The following NLGN4Y variants were observed in gnomAD, a reference collection of about 807,000 sequenced individuals.
NLGN4Y encodes the protein neuroligin 4 Y-linked, also known as neuroligin-4, Y-linked.
NLGN4Y carries 4 observed loss-of-function variants against 8.4 expected under a neutral mutation model. That is an observed-to-expected ratio of 0.48 (90% confidence interval 0.23 to 1.09). The LOEUF (loss-of-function observed/expected upper bound fraction) is 1.09, where lower values mean the gene tolerates loss of function less well. Ranked by LOEUF, NLGN4Y falls within the 50% of genes least tolerant of loss-of-function variation. The probability of loss-of-function intolerance (pLI) is 0.19; values close to 1 mark genes in which losing one functional copy is unlikely to be tolerated. For missense variants in NLGN4Y, 90 were observed against 192.3 expected (o/e 0.47, Z 3.15); for synonymous variants, 35 against 75.6 (o/e 0.46, Z 2.78).
At chrY:14,689,232 A>G (rs2080801562) in intron 2 of NLGN4Y, among the ~76,000 whole-genome samples, 3 of 31,852 alleles carry the variant, frequency 9.4e-5, no homozygotes, top group Non-Finnish European at 2.3e-4. Flanking sequence ...AAAAATGTGC[A>G]TAACCGCATT....
chrY:14,585,860 C>CT (rs2080338689), intron 1 of NLGN4Y, among the ~76,000 whole-genome samples: 2 of 32,791 alleles, frequency 6.1e-5, no homozygotes, highest in Non-Finnish European at 7.5e-5. Flanking sequence ...TTAAAAGAAG[C>CT]TTTTTTTTAT....
At chrY:14,697,398 T>C (rs2080833074) in intron 2 of NLGN4Y, among the ~76,000 whole-genome samples, 1 of 31,463 alleles carries the variant, frequency 3.2e-5, no homozygotes, top group African/African-American at 1.3e-4. Context: ...GATACATAGA[T>C]AAATGATAGC....
intron 2 of NLGN4Y, among the ~76,000 whole-genome samples, chrY:14,671,891 T>C: frequency 3.4e-5 from 1 of 29,638 alleles, no homozygotes; most frequent in East Asian, 2.6e-3. Flanking sequence ...AAACACTTTG[T>C]TGTGTGGAAA....
chrY:14,801,658 T>A lies in NLGN4Y; in HGVS notation c.686-22530T>A. On this transcript the variant is annotated intron_variant, in intron 4 of 6. Transcript: ENST00000684976. ...TCTGATTATTGATTAAGAGTAGTTA[T>A]GAAGTTGGAGATAAAAGGAGAAGAT... 3.2e-4 allele frequency among the ~76,000 whole-genome samples: 10 copies of A among 31,259 alleles called. No individual in the cohort carries two copies. In the East Asian group the frequency reaches 8.1e-3, roughly 25 times the overall value. The allele number at this position is 31,259 out of a possible 37,273, so 83.9% of individuals were successfully genotyped here. A position where few individuals can be genotyped will look rare whatever the true frequency, so the allele number is the denominator to read the frequency against.
chrY:14,709,961 TTA>T (rs2080894697), intron 2 of NLGN4Y, among the ~76,000 whole-genome samples: 1 of 33,846 alleles, frequency 3.0e-5, no homozygotes, highest in Non-Finnish European at 7.3e-5. Context: ...TAAAATGTCT[TTA>T]TGTTTTTGGA....
At chrY:14,736,577 C>G in intron 4 of NLGN4Y, among the ~76,000 whole-genome samples, 2 of 32,519 alleles carry the variant, frequency 6.2e-5, no homozygotes, top group Non-Finnish European at 1.5e-4. Flanking sequence ...GCATCCAAAT[C>G]TCATCTTGAA....
At chrY:14,640,269 A>G in intron 2 of NLGN4Y, 1 of 127,706 alleles carries the variant, frequency 7.8e-6, no homozygotes, top group South Asian at 3.9e-5. Flanking sequence ...GTGTGATGTG[A>G]AGCCTGTGGA....
chrY:14,643,852 G>T (rs2080600458), intron 2 of NLGN4Y, among the ~76,000 whole-genome samples: 1 of 33,874 alleles, frequency 3.0e-5, no homozygotes, highest in Non-Finnish European at 7.3e-5. Context: ...GCAATTGGCT[G>T]ACAAAAGAGC....
At chrY:14,582,178 A>G (rs2080321537) in intron 1 of NLGN4Y, among the ~76,000 whole-genome samples, 1 of 33,188 alleles carries the variant, frequency 3.0e-5, no homozygotes, top group Non-Finnish European at 7.4e-5. Flanking sequence ...CCTCCCTCTG[A>G]CCTGGATTAG....
chrY:14,563,298 A>T (rs981827216), intron 1 of NLGN4Y, among the ~76,000 whole-genome samples: 47 of 33,516 alleles, frequency 1.4e-3, no homozygotes, highest in Admixed American at 8.2e-4. Context: ...TATTGAGATA[A>T]TCTCATGGTT....
Position 14,631,928 on chromosome Y carries a change from C to A in NLGN4Y, c.472+9337C>A, listed in dbSNP as rs754814545. On this transcript the variant is annotated intron_variant, in intron 2 of 6. Transcript: ENST00000684976. Reference sequence around the variant, plus strand: ...TTGGAATGCCAGTTTATCCCCTTAGCAGATCATTATGGGCAAGTGACTCAG... The same window carrying A: ...TTGGAATGCCAGTTTATCCCCTTAGAAGATCATTATGGGCAAGTGACTCAG... Among the ~76,000 whole-genome samples the A allele has an allele frequency of 1.5e-4, 5 of 33,663 alleles. No individual in the cohort carries two copies. The South Asian group carries it at 2.7e-3, about 18-fold the overall frequency. 90.3% of individuals were successfully genotyped at this position (33,663 alleles called of 37,273 possible). A position where few individuals can be genotyped will look rare whatever the true frequency, so the allele number is the denominator to read the frequency against.
chrY:14,783,205 C>A (rs2042948646), intron 4 of NLGN4Y, among the ~76,000 whole-genome samples: 1 of 33,159 alleles, frequency 3.0e-5, no homozygotes, highest in African/African-American at 1.2e-4. Context: ...ATAATAGATT[C>A]TTTTAAAATT....
chrY:14,789,645 C>T, intron 4 of NLGN4Y, among the ~76,000 whole-genome samples: 1 of 33,641 alleles, frequency 3.0e-5, no homozygotes, highest in African/African-American at 1.2e-4. Flanking sequence ...ATCTCAGACT[C>T]CCAAAGTGAG....
intron 2 of NLGN4Y, among the ~76,000 whole-genome samples, chrY:14,661,860 G>A (rs2080675764): frequency 3.0e-5 from 1 of 33,586 alleles, no homozygotes. Context: ...AATAAGCCAT[G>A]TGGCCAAGAG....
At position 14,841,131 on chromosome Y, in the gene NLGN4Y, A is replaced by G. The variant is rs1230727807; in HGVS notation, c.2380A>G (p.Met794Val). Residue 794 changes from methionine (M) to valine (V), a missense_variant, in exon 7 of 7, where the codon ATG (methionine) becomes GTG (valine). Met to Val is a conservative substitution (Grantham distance 21). This residue lies in a region of NLGN4Y where 37 missense variants were observed against 94.0 expected (regional missense o/e 0.39). Transcript: ENST00000684976. The part of the protein sequence containing the change: ...LRRSPDDIPF[M>V]TPNTITMIPN... ...CCGGTCGCCGGATGACATCCCATTT[A>G]TGACGCCAAACACCATCACCATGAT... 1 of 398,802 alleles carries G rather than the reference A, an allele frequency of 2.5e-6. No individual in the cohort carries two copies.
chrY:14,674,349 T>A (rs2080740413), intron 2 of NLGN4Y, among the ~76,000 whole-genome samples: 1 of 27,443 alleles, frequency 3.6e-5, no homozygotes, highest in Non-Finnish European at 8.7e-5. Context: ...TTTTTTTTTT[T>A]TTTTTTCCCC....
intron 4 of NLGN4Y, among the ~76,000 whole-genome samples, chrY:14,803,028 A>G (rs2043042792): frequency 4.4e-5 from 1 of 22,935 alleles, no homozygotes; most frequent in Non-Finnish European, 8.8e-5. Flanking sequence ...ATTATTTTAC[A>G]TATAATATAT....
At position 14,812,081 on chromosome Y, in the gene NLGN4Y, G is replaced by A. The variant is rs756081217; in HGVS notation, c.686-12107G>A. 1.3e-3 allele frequency among the ~76,000 whole-genome samples: 44 copies of A among 33,496 alleles called. No homozygotes were observed. The South Asian group carries it at 0.029, about 22-fold the overall frequency. 89.9% of individuals were successfully genotyped at this position (33,496 alleles called of 37,273 possible). ...AACAATCATGGCAGAAAGTAAAAGA[G>A]GAGCAAAGTCATGTCTTACGTGGTG... On this transcript the variant is annotated intron_variant, in intron 4 of 6. Transcript: ENST00000684976.
At chrY:14,737,815 C>T (rs766958237) in intron 4 of NLGN4Y, among the ~76,000 whole-genome samples, 1 of 30,494 alleles carries the variant, frequency 3.3e-5, no homozygotes, top group East Asian at 8.6e-4. Context: ...GGAAAGAGTC[C>T]GATGAATTGC....
Sources: gnomAD v4.1 joint callset for allele counts (sites outside exome capture counted in the v4.1 genomes callset) on GRCh38, gnomAD v4.1.1 for gene constraint, gnomAD v4.1.1 regional missense constraint, MANE v1.5 for transcripts, NCBI Gene and HGNC (gene_info 2026-07-23, HGNC 2026-07-21) for gene names.